Variants in KCNN3 observed in about 807,000 individuals in gnomAD.
The protein encoded by KCNN3 is small conductance calcium-activated potassium channel protein 3.
KCNN3 carries 16 observed loss-of-function variants against 62.9 expected under a neutral mutation model. The observed-to-expected ratio is 0.25, with a 90% CI of 0.17 to 0.39. The LOEUF (loss-of-function observed/expected upper bound fraction) is 0.39, where lower values mean the gene tolerates loss of function less well. KCNN3 is among the 10% of genes least tolerant of loss of function. KCNN3 has a pLI of 1.00. For missense variants in KCNN3, 599 were observed against 949.4 expected, an observed-to-expected ratio of 0.63 and a Z score of 4.85; for synonymous variants, 370 against 389.2, an observed-to-expected ratio of 0.95 and a Z score of 0.58.
intron 7 of KCNN3, among the ~76,000 whole-genome samples, chr1:154,712,918 A>C (rs1700109120): frequency 6.6e-6 from 1 of 152,042 alleles, no homozygotes; most frequent in Non-Finnish European, 1.5e-5. Context: ...GGGTATCTTC[A>C]TGTTCCTTGT....
chr1:154,763,391 G>T (rs1648111798), intron 3 of KCNN3, among the ~76,000 whole-genome samples: 1 of 151,908 alleles, frequency 6.6e-6, no homozygotes, highest in Non-Finnish European at 1.5e-5. Context: ...TATTAAAAAT[G>T]GGGTCTCCCT....
At chr1:154,842,168 G>A (rs982425204) in intron 1 of KCNN3, among the ~76,000 whole-genome samples, 4 of 152,192 alleles carry the variant, frequency 2.6e-5, no homozygotes, top group African/African-American at 7.2e-5. Context: ...TCCCCTCTTT[G>A]CCCTGCAATG....
chr1:154,853,174 G>C (rs965421995), intron 1 of KCNN3, among the ~76,000 whole-genome samples: 7 of 151,040 alleles, frequency 4.6e-5, no homozygotes, highest in Admixed American at 4.6e-4. Flanking sequence ...TTTCTGTAAA[G>C]ATGAGAGTCT....
chr1:154,773,495 G>A (rs1054320933), intron 2 of KCNN3, among the ~76,000 whole-genome samples: 1 of 152,246 alleles, frequency 6.6e-6, no homozygotes, highest in Non-Finnish European at 1.5e-5. Context: ...ACAACCTGGG[G>A]CTGGTGACTA....
chr1:154,721,600 C>T (rs1442916274), intron 5 of KCNN3, among the ~76,000 whole-genome samples: 1 of 152,092 alleles, frequency 6.6e-6, no homozygotes, highest in African/African-American at 2.4e-5. Flanking sequence ...CGCACCCGGC[C>T]CACTCTACCT....
chr1:154,826,674 G>A (rs568253094), intron 1 of KCNN3, among the ~76,000 whole-genome samples: 1 of 152,356 alleles, frequency 6.6e-6, no homozygotes, highest in African/African-American at 2.4e-5. Context: ...TGCAGAGGGT[G>A]ATGGAGTGTG....
intron 2 of KCNN3, among the ~76,000 whole-genome samples, chr1:154,798,094 T>C (rs914743941): frequency 3.3e-5 from 5 of 151,982 alleles, no homozygotes; most frequent in Non-Finnish European, 7.4e-5. Flanking sequence ...GAGGCCAGGG[T>C]ACAATTCCTG....
chr1:154,788,323 A>G (rs529068444), intron 2 of KCNN3, among the ~76,000 whole-genome samples: 1 of 152,302 alleles, frequency 6.6e-6, no homozygotes, highest in South Asian at 2.1e-4. Flanking sequence ...GAAGCACCAT[A>G]CAAAGTGGTT....
intron 3 of KCNN3, among the ~76,000 whole-genome samples, chr1:154,762,681 G>A (rs1648075023): frequency 6.6e-6 from 1 of 152,134 alleles, no homozygotes; most frequent in Admixed American, 6.5e-5. Context: ...AAACACACCA[G>A]TTTTTTCCTT....
intron 1 of KCNN3, among the ~76,000 whole-genome samples, chr1:154,841,659 C>A (rs1216437854): frequency 6.6e-6 from 1 of 152,208 alleles, no homozygotes. Context: ...TCACTCCAAA[C>A]TTTCTGCAGA....
chr1:154,848,192 G>A (rs1463565228), intron 1 of KCNN3, among the ~76,000 whole-genome samples: 2 of 152,090 alleles, frequency 1.3e-5, no homozygotes, highest in Non-Finnish European at 2.9e-5. Context: ...CTCGCTGCTT[G>A]TCATTCTCCA....
chr1:154,780,207 T>C lies in KCNN3; in HGVS notation c.1030-7814A>G, dbSNP rs1210858156. 5.4e-5 allele frequency among the ~76,000 whole-genome samples: 8 copies of C among 148,586 alleles called. No homozygotes were observed. The South Asian group carries it at 6.3e-4, about 12-fold the overall frequency. On this transcript the variant is annotated intron_variant, in intron 2 of 7. Transcript: ENST00000271915. ...TTTTCTTTTTTTCTTTTTTTTTTTTTTTTTTTTTTTTTAGGATAAGTTTAG... is the reference window on the plus strand; with the variant it reads ...TTTTCTTTTTTTCTTTTTTTTTTTTCTTTTTTTTTTTTAGGATAAGTTTAG...
intron 2 of KCNN3, among the ~76,000 whole-genome samples, chr1:154,807,188 G>A (rs529567139): frequency 3.9e-5 from 6 of 152,206 alleles, no homozygotes; most frequent in East Asian, 3.9e-4. Flanking sequence ...AGGAGAGGCC[G>A]AGGACATACA....
chr1:154,841,049 G>T (rs1467444693), intron 1 of KCNN3, among the ~76,000 whole-genome samples: 1 of 152,204 alleles, frequency 6.6e-6, no homozygotes, highest in Non-Finnish European at 1.5e-5. Context: ...ACCTAATCAG[G>T]ACCCTGGGGC....
In KCNN3 at chr1:154,703,925, T is replaced by C. The variant is rs780553532; in HGVS notation, c.*4051A>G. The C allele has an allele frequency of 2.6e-5, 4 of 152,220 alleles. No individual in the cohort carries two copies. Among genetic ancestry groups the C allele is most frequent in the East Asian group, 1.9e-4 (1 of 5,202 alleles). 9.4% of individuals were successfully genotyped at this position (152,220 alleles called of 1,614,324 possible). ...TCTCTTCATTTTAAGTACAGAGAAA[T>C]TGATGTATTAGGTGCTTATATGAAT... On this transcript the variant is annotated 3_prime_UTR_variant, in exon 8 of 8. Coordinates refer to ENST00000271915, the MANE Select transcript of KCNN3 (RefSeq NM_002249.6).
At chr1:154,863,490 A>G (rs1009921814) in intron 1 of KCNN3, among the ~76,000 whole-genome samples, 2 of 152,126 alleles carry the variant, frequency 1.3e-5, no homozygotes, top group Admixed American at 6.5e-5. Flanking sequence ...TCATCAATAT[A>G]CAGCCGCCCC....
intron 1 of KCNN3, among the ~76,000 whole-genome samples, chr1:154,847,378 T>A (rs1652117534): frequency 6.6e-6 from 1 of 151,922 alleles, no homozygotes. Flanking sequence ...AGCCAGCCAA[T>A]GGGAAATGCC....
rs148160143 is a variant in KCNN3, at chr1:154,734,151, T to A, written c.1449-1007A>T. On this transcript the variant is annotated intron_variant, in intron 3 of 7. Transcript: ENST00000271915. Reference sequence around the variant, plus strand: ...ATGAAAGCCCAGGGCTTATACAAAGTGCAGCAAGGGAGCTGGTTGCAGGCT... The same window carrying A: ...ATGAAAGCCCAGGGCTTATACAAAGAGCAGCAAGGGAGCTGGTTGCAGGCT... Among the ~76,000 whole-genome samples the A allele has an allele frequency of 2.1e-3, 313 of 152,294 alleles. 1 individual carries two copies. Among genetic ancestry groups the A allele is most frequent in the African/African-American group, 7.0e-3 (290 of 41,566 alleles).
At chr1:154,812,613 C>T (rs185492061) in intron 2 of KCNN3, among the ~76,000 whole-genome samples, 8 of 152,272 alleles carry the variant, frequency 5.3e-5, no homozygotes, top group African/African-American at 9.6e-5. Flanking sequence ...TGGGAGTGCG[C>T]GTTCATGGAA....
Sources: allele counts gnomAD v4.1 joint callset (sites outside exome capture counted in the v4.1 genomes callset), GRCh38; gene constraint gnomAD v4.1.1; transcripts MANE v1.5; gene names NCBI Gene and HGNC (gene_info 2026-07-23, HGNC 2026-07-21).